Variants in GABRB1 observed in about 807,000 individuals in gnomAD.
GABRB1 encodes the protein gamma-aminobutyric acid receptor subunit beta-1.
Under a neutral mutation model 51.6 loss-of-function variants are expected in GABRB1, and 17 were observed. The ratio of observed to expected loss-of-function variants is 0.33; its 90% CI spans 0.23 to 0.49. GABRB1 has a LOEUF of 0.49. GABRB1 is among the 20% of genes least tolerant of loss of function. The pLI is 0.99. For synonymous variants in GABRB1, 247 were observed against 218.9 expected, an observed-to-expected ratio of 1.13 and a Z score of -1.14; for missense variants, 410 against 600.6, an observed-to-expected ratio of 0.68 and a Z score of 3.32.
intron 5 of GABRB1, among the ~76,000 whole-genome samples, chr4:47,326,221 C>T (rs1380186842): frequency 6.6e-6 from 1 of 152,098 alleles, no homozygotes; most frequent in Non-Finnish European, 1.5e-5. Context: ...CTTGATGATC[C>T]AGGATCACCC....
intron 1 of GABRB1, among the ~76,000 whole-genome samples, chr4:47,004,651 T>C (rs1387289776): frequency 6.6e-6 from 1 of 152,206 alleles, no homozygotes; most frequent in Non-Finnish European, 1.5e-5. Flanking sequence ...TGACTGCCTA[T>C]TCCAACTATT....
chr4:47,086,354 A>G (rs1175419666), intron 3 of GABRB1, among the ~76,000 whole-genome samples: 1 of 152,184 alleles, frequency 6.6e-6, no homozygotes, highest in Non-Finnish European at 1.5e-5. Context: ...CTTCAAGATA[A>G]TAATTGATTA....
chr4:47,049,846 T>C lies in GABRB1; in HGVS notation c.240+17362T>C, dbSNP rs1726267124. ...AGCTAACTTGAAATAAATAAACTGT[T>C]GTTTCTGTACTTCAAAAACGCAGAG... is the stretch of plus-strand genomic sequence containing the variant. On this transcript the variant is annotated intron_variant, in intron 3 of 8. Coordinates refer to ENST00000295454, the MANE Select transcript of GABRB1 (RefSeq NM_000812.4). Among the ~76,000 whole-genome samples, 3 of 152,184 alleles carry C rather than the reference T, an allele frequency of 2.0e-5. No individual in the cohort carries two copies. The South Asian group carries it at 6.2e-4, about 31-fold the overall frequency.
chr4:47,008,437 C>T (rs1027291022), intron 1 of GABRB1, among the ~76,000 whole-genome samples: 129 of 150,904 alleles, frequency 8.5e-4, no homozygotes, highest in African/African-American at 3.1e-3. Context: ...TATGGACTAT[C>T]ATTTCAGGAA....
At chr4:47,032,825 G>A (rs919273320) in intron 3 of GABRB1, 3 of 486,176 alleles carry the variant, frequency 6.2e-6, no homozygotes, top group East Asian at 5.4e-5. Flanking sequence ...CTGGCAGCCG[G>A]GCGGCCTGCA....
At chr4:47,162,895 C>A (rs1025724156) in intron 4 of GABRB1, among the ~76,000 whole-genome samples, 1 of 152,036 alleles carries the variant, frequency 6.6e-6, no homozygotes, top group Non-Finnish European at 1.5e-5. Flanking sequence ...ATCATCTATG[C>A]CCTACTCTTT....
chr4:47,028,633 T>C (rs1333106833), upstream of GABRB1, among the ~76,000 whole-genome samples: 1 of 151,464 alleles, frequency 6.6e-6, no homozygotes, highest in Admixed American at 6.6e-5. Flanking sequence ...TTGTGGCTAA[T>C]TGGAATGAAA....
At chr4:47,350,206 TATATATATATATAGAGAGAG>T (rs1282437765) in intron 5 of GABRB1, among the ~76,000 whole-genome samples, 17 of 93,622 alleles carry the variant, frequency 1.8e-4, no homozygotes, top group African/African-American at 6.0e-4. Context: ...TATATATATA[TATATATATATATAGAGAGAG>T]AGAGAGAGAG....
chr4:47,417,455 C>A (rs573602774), intron 8 of GABRB1, among the ~76,000 whole-genome samples: 26 of 152,136 alleles, frequency 1.7e-4, no homozygotes, highest in Admixed American at 7.2e-4. Context: ...TCTCCTCCCC[C>A]CGAGAAAAGG....
chr4:47,398,444 T>A (rs1728254411), intron 5 of GABRB1, among the ~76,000 whole-genome samples: 1 of 152,220 alleles, frequency 6.6e-6, no homozygotes, highest in Admixed American at 6.5e-5. Context: ...GACACTCTCA[T>A]CTTCTCCTTA....
At chr4:47,091,661 CA>C (rs1728298196) in intron 3 of GABRB1, among the ~76,000 whole-genome samples, 1 of 152,186 alleles carries the variant, frequency 6.6e-6, no homozygotes, top group Non-Finnish European at 1.5e-5. Context: ...ACCAAATCTG[CA>C]AATTTCATCT....
At chr4:47,157,288 T>C (rs1261752257) in intron 3 of GABRB1, among the ~76,000 whole-genome samples, 1 of 152,104 alleles carries the variant, frequency 6.6e-6, no homozygotes, top group African/African-American at 2.4e-5. Context: ...AGAGCATTAA[T>C]TTCTTTCTGA....
intron 4 of GABRB1, among the ~76,000 whole-genome samples, chr4:47,285,503 A>T (rs1369572733): frequency 1.3e-5 from 2 of 152,108 alleles, no homozygotes; most frequent in African/African-American, 4.8e-5. Flanking sequence ...TTTCTCTTTT[A>T]GTTTATCCAA....
chr4:47,296,344 G>C (rs1046930921), intron 4 of GABRB1, among the ~76,000 whole-genome samples: 164 of 152,276 alleles, frequency 1.1e-3, no homozygotes, highest in Non-Finnish European at 1.8e-3. Flanking sequence ...ACCCATCAGT[G>C]TGCTGTATTC....
At chr4:47,333,165 T>C (rs1018503172) in intron 5 of GABRB1, among the ~76,000 whole-genome samples, 1 of 145,792 alleles carries the variant, frequency 6.9e-6, no homozygotes, top group Non-Finnish European at 1.5e-5. Context: ...TTTAAAAATA[T>C]ATACATATAT....
At chr4:47,367,559 A>G (rs1429738033) in intron 5 of GABRB1, among the ~76,000 whole-genome samples, 1 of 152,194 alleles carries the variant, frequency 6.6e-6, no homozygotes, top group Non-Finnish European at 1.5e-5. Context: ...AAAGGAACCA[A>G]CAAATGACAG....
In GABRB1 at chr4:47,124,544, CA is replaced by C. The variant is rs1394451820; in HGVS notation, c.241-36698del. Among the ~76,000 whole-genome samples, 18 of 152,104 alleles carry C rather than the reference CA, an allele frequency of 1.2e-4. No individual in the cohort carries two copies. In the East Asian group the frequency reaches 1.7e-3, roughly 15 times the overall value. On this transcript the variant is annotated intron_variant, in intron 3 of 8. Coordinates refer to ENST00000295454, the MANE Select transcript of GABRB1 (RefSeq NM_000812.4). Reference sequence around the variant, plus strand: ...AAACGGAAATCTATAAATTGCCTGACAAAAAAATTCTAAATAATTGCTTCAA... The same window carrying C: ...AAACGGAAATCTATAAATTGCCTGACAAAAAATTCTAAATAATTGCTTCAA...
intron 5 of GABRB1, among the ~76,000 whole-genome samples, chr4:47,339,204 G>A (rs1218423762): frequency 1.3e-5 from 2 of 152,228 alleles, no homozygotes; most frequent in African/African-American, 4.8e-5. Context: ...GAAGAATTGA[G>A]AGGTATGTGG....
chr4:47,252,446 G>A lies in GABRB1; in HGVS notation c.462-67681G>A, dbSNP rs563582929. On this transcript the variant is annotated intron_variant, in intron 4 of 8. Coordinates refer to ENST00000295454, the MANE Select transcript of GABRB1 (RefSeq NM_000812.4). Reference sequence around the variant, plus strand: ...TCCTCAGGATTGCTGGATTGTTCTTGCAGTCAATCTGGAGCTAAAGTTCAC... The same window carrying A: ...TCCTCAGGATTGCTGGATTGTTCTTACAGTCAATCTGGAGCTAAAGTTCAC... Among the ~76,000 whole-genome samples, 45 of 151,386 alleles carry A rather than the reference G, an allele frequency of 3.0e-4. No homozygotes were observed. In the South Asian group the frequency reaches 3.8e-3, roughly 13 times the overall value.
Sources: allele counts gnomAD v4.1 joint callset (sites outside exome capture counted in the v4.1 genomes callset), GRCh38; gene constraint gnomAD v4.1.1; transcripts MANE v1.5; gene names NCBI Gene and HGNC (gene_info 2026-07-23, HGNC 2026-07-21).